The following IRAG1 variants were observed in gnomAD, a reference collection of about 807,000 sequenced individuals.
IRAG1 encodes IP3R-associated cGMP kinase substrate.
In IRAG1, 62 loss-of-function variants were observed where a neutral mutation model predicts 106.2. The observed-to-expected ratio is 0.58, with a 90% CI of 0.48 to 0.72. IRAG1 has a LOEUF of 0.72. Ranked by LOEUF, IRAG1 falls within the 30% of genes least tolerant of loss-of-function variation. The pLI, the probability that IRAG1 is intolerant of heterozygous loss-of-function variation, is 0.00. For synonymous variants in IRAG1, 462 were observed against 443.9 expected (o/e 1.04, Z -0.51); for missense variants, 1,064 against 1,140.7 (o/e 0.93, Z 0.97).
At chr11:10,679,413 T>C (rs543833150) in intron 1 of IRAG1, among the ~76,000 whole-genome samples, 1 of 152,304 alleles carries the variant, frequency 6.6e-6, no homozygotes, top group East Asian at 1.9e-4. Flanking sequence ...GCTTTAGGCA[T>C]ATTTACTCAC....
Position 10,659,762 on chromosome 11 carries a change from C to A in IRAG1, c.68-7580G>T, listed in dbSNP as rs755451783. On this transcript the variant is annotated intron_variant, in intron 1 of 20. Transcript: ENST00000423302. This position sits in a 1 kb window ranked among gnomAD's most constrained non-coding sequence, Gnocchi z 4.1. The stretch of plus-strand genomic sequence containing the variant: ...AATTTTTTCTTCTTCAAAATATGTA[C>A]AATTGCTCAATCGGAGGCAGTTCAA... Among the ~76,000 whole-genome samples, 2 of 152,072 alleles carry A rather than the reference C, an allele frequency of 1.3e-5. No homozygotes were observed. Among genetic ancestry groups the A allele is most frequent in the Non-Finnish European group, 2.9e-5 (2 of 68,008 alleles).
intron 15 of IRAG1, among the ~76,000 whole-genome samples, chr11:10,596,083 T>G (rs1853272379): frequency 6.6e-6 from 1 of 152,244 alleles, no homozygotes; most frequent in Non-Finnish European, 1.5e-5. Flanking sequence ...ACATTTTTCT[T>G]TATCCAATAT....
chr11:10,598,112 A>T (rs1038998830), intron 15 of IRAG1, among the ~76,000 whole-genome samples: 1 of 152,116 alleles, frequency 6.6e-6, no homozygotes, highest in Non-Finnish European at 1.5e-5. Context: ...TAGTCCTTGG[A>T]CGCCCTTAAC....
chr11:10,681,543 T>C (rs993084214), intron 1 of IRAG1, among the ~76,000 whole-genome samples: 48 of 152,308 alleles, frequency 3.2e-4, no homozygotes, highest in African/African-American at 1.1e-3. Flanking sequence ...TGTCAATTAT[T>C]GCTCTGAGAT....
At chr11:10,633,106 G>C (rs1449897612) in intron 3 of IRAG1, among the ~76,000 whole-genome samples, 2 of 130,054 alleles carry the variant, frequency 1.5e-5, no homozygotes, top group African/African-American at 3.0e-5. Flanking sequence ...ACGGAGTCTC[G>C]CACTGTCGCC....
At chr11:10,686,631 A>C (rs1176635053) in intron 1 of IRAG1, among the ~76,000 whole-genome samples, 1 of 152,162 alleles carries the variant, frequency 6.6e-6, no homozygotes, top group Non-Finnish European at 1.5e-5. Flanking sequence ...TTATAGGGGC[A>C]GGAACAAAGG....
intron 16 of IRAG1, 142 bp downstream of exon 16, chr11:10,594,004 G>A (rs1852974184): frequency 1.3e-6 from 1 of 763,376 alleles, no homozygotes. Flanking sequence ...GGCTAAACTT[G>A]AGAGTGTGGA....
In IRAG1 at chr11:10,613,802, A is replaced by G. The variant is rs1217339716; in HGVS notation, c.1448-3951T>C. ...ACCATTGTAGTGACTACATGTTCTTATCTTCCGTATTCTTGATGTTCTGTC... is the reference window on the plus strand; with the variant it reads ...ACCATTGTAGTGACTACATGTTCTTGTCTTCCGTATTCTTGATGTTCTGTC... On this transcript the variant is annotated intron_variant, in intron 10 of 20. Coordinates refer to ENST00000423302, the MANE Select transcript of IRAG1 (RefSeq NM_130385.4). Among the ~76,000 whole-genome samples the G allele has an allele frequency of 2.6e-5, 4 of 152,290 alleles. No homozygotes were observed. The South Asian group carries it at 8.3e-4, about 32-fold the overall frequency.
intron 4 of IRAG1, among the ~76,000 whole-genome samples, chr11:10,630,782 C>T (rs1028371600): frequency 4.6e-5 from 7 of 152,230 alleles, no homozygotes; most frequent in African/African-American, 1.2e-4. Flanking sequence ...TCACCTCCAT[C>T]GGGTTCCATT....
chr11:10,610,887 A>G (rs1854901459), intron 10 of IRAG1, among the ~76,000 whole-genome samples: 1 of 152,174 alleles, frequency 6.6e-6, no homozygotes, highest in African/African-American at 2.4e-5. Context: ...AGAACTTCAT[A>G]TTTATCCATG....
In IRAG1 at chr11:10,629,709, G is replaced by T; in HGVS notation, c.403C>A (p.Pro135Thr). 6.2e-7 allele frequency: 1 copy of T among 1,612,876 alleles called. No homozygotes were observed. Among genetic ancestry groups the T allele is most frequent in the Admixed American group, 1.7e-5 (1 of 59,864 alleles). ...ACCAGGTCAATGATGTGCCCCGCGG[G>T]GTCTGCAGAAGGAGGATGAGCTGGG... is the stretch of plus-strand genomic sequence containing the variant. ...VSTASLTSVDPAGHIIDLVND... is the reference protein window; with the variant it reads ...VSTASLTSVDTAGHIIDLVND... Residue 135 changes from proline (P) to threonine (T), a missense_variant and splice_region_variant, in exon 5 of 21, where the codon CCC (proline) becomes ACC (threonine). Transcript: ENST00000423302.
Position 10,658,697 on chromosome 11 carries a change from G to C in IRAG1, c.68-6515C>G, listed in dbSNP as rs147472820. On this transcript the variant is annotated intron_variant, in intron 1 of 20. Coordinates refer to ENST00000423302, the MANE Select transcript of IRAG1 (RefSeq NM_130385.4). Reference sequence around the variant, plus strand: ...AGGTCCGTGCTGTGGTCAGTCCCAGGTCTGTGCTGTGGTCAGTCCCAGGTC... The same window carrying C: ...AGGTCCGTGCTGTGGTCAGTCCCAGCTCTGTGCTGTGGTCAGTCCCAGGTC... 1.3e-4 allele frequency: 24 copies of C among 187,754 alleles called. No homozygotes were observed. The East Asian group carries it at 4.5e-3, about 35-fold the overall frequency. The allele number at this position is 187,754 out of a possible 1,614,324, so 11.6% of individuals were successfully genotyped here. A position where few individuals can be genotyped will look rare whatever the true frequency, so the allele number is the denominator to read the frequency against.
intron 12 of IRAG1, 122 bp downstream of exon 12, chr11:10,606,620 C>T (rs1854498675): frequency 3.1e-6 from 3 of 979,546 alleles, no homozygotes; most frequent in Non-Finnish European, 4.5e-6. Flanking sequence ...CACATTACCC[C>T]ACAGTCACTC....
chr11:10,662,317 A>G (rs906457570), intron 1 of IRAG1, among the ~76,000 whole-genome samples: 2 of 152,108 alleles, frequency 1.3e-5, no homozygotes, highest in Non-Finnish European at 2.9e-5. Context: ...CCTCATTCTC[A>G]TTGAGCTTCC....
chr11:10,661,600 T>G (rs1227153093), intron 1 of IRAG1, among the ~76,000 whole-genome samples: 2 of 152,160 alleles, frequency 1.3e-5, no homozygotes, highest in Admixed American at 6.5e-5. Flanking sequence ...CGTTGGCTGG[T>G]GACCCTTTTT....
chr11:10,618,109 G>C (rs888090887), intron 10 of IRAG1, among the ~76,000 whole-genome samples: 1 of 152,164 alleles, frequency 6.6e-6, no homozygotes. Context: ...TCTCTGGGAC[G>C]TGTAGCTCAC....
chr11:10,612,865 T>G (rs1194063512), intron 10 of IRAG1, among the ~76,000 whole-genome samples: 1 of 152,142 alleles, frequency 6.6e-6, no homozygotes, highest in Non-Finnish European at 1.5e-5. Flanking sequence ...GGAAGATGAT[T>G]GCTATTTAAG....
intron 1 of IRAG1, among the ~76,000 whole-genome samples, chr11:10,652,537 G>A (rs1858608020): frequency 1.3e-5 from 2 of 152,204 alleles, no homozygotes; most frequent in Non-Finnish European, 2.9e-5. Context: ...CCTACTGGGT[G>A]CCAGGCCCTG....
rs183234031 is a variant in IRAG1, at chr11:10,665,442, C to T, written c.68-13260G>A. 3.3e-4 allele frequency among the ~76,000 whole-genome samples: 50 copies of T among 152,340 alleles called. No homozygotes were observed. The East Asian group carries it at 7.3e-3, about 22-fold the overall frequency. On this transcript the variant is annotated intron_variant, in intron 1 of 20. Coordinates refer to ENST00000423302, the MANE Select transcript of IRAG1 (RefSeq NM_130385.4). The surrounding 1 kb of genome is among the most constrained non-coding windows in gnomAD (Gnocchi z 4.2). ...ACCAACCTCCATGTTCCTGCCTAGA[C>T]GATAGACTGGTACACACCAAGATAT...
Sources: gnomAD v4.1 joint callset for allele counts (sites outside exome capture counted in the v4.1 genomes callset) on GRCh38, gnomAD v4.1.1 for gene constraint, Gnocchi (gnomAD v3.1) non-coding constraint, MANE v1.5 for transcripts, NCBI Gene and HGNC (gene_info 2026-07-23, HGNC 2026-07-21) for gene names.